Variants in SLC12A9 observed in about 807,000 individuals in gnomAD.
SLC12A9 encodes solute carrier family 12 member 9.
Under a neutral mutation model 66.0 loss-of-function variants are expected in SLC12A9, and 55 were observed. That is an observed-to-expected ratio of 0.83 (90% confidence interval 0.67 to 1.04). The LOEUF is 1.04. Ranked by LOEUF, SLC12A9 falls within the 50% of genes least tolerant of loss-of-function variation. The pLI is 0.00. For missense variants in SLC12A9, 1,061 were observed against 1,241.9 expected, an observed-to-expected ratio of 0.85 and a Z score of 2.19; for synonymous variants, 577 against 569.0, an observed-to-expected ratio of 1.01 and a Z score of -0.20.
chr7:100,865,313 TTCAGG>T, intron 13 of SLC12A9: 1 of 1,535,922 alleles, frequency 6.5e-7, no homozygotes, highest in Non-Finnish European at 8.7e-7. Flanking sequence ...ACCCTGGGGA[TTCAGG>T]TCATGAGCTT....
chr7:100,849,987 G>A (rs1388255780), upstream of SLC12A9, among the ~76,000 whole-genome samples: 3 of 151,432 alleles, frequency 2.0e-5, no homozygotes, highest in African/African-American at 4.9e-5. Flanking sequence ...ATTCTCCCAC[G>A]TCAGCCTCCC....
At chr7:100,864,673 G>T (rs916453851) in intron 13 of SLC12A9, among the ~76,000 whole-genome samples, 1 of 152,190 alleles carries the variant, frequency 6.6e-6, no homozygotes, top group Non-Finnish European at 1.5e-5. Flanking sequence ...GATGGAGGCG[G>T]ATTGCGTTGA....
exon 1 of SLC12A9, chr7:100,826,983 C>G (rs755785202): frequency 6.4e-7 from 1 of 1,565,066 alleles, no homozygotes; most frequent in African/African-American, 1.4e-5. Flanking sequence ...ACTCACCTTC[C>G]AAAGCTGCGG....
intron 13 of SLC12A9, 61 bp from the exon 14 acceptor site, chr7:100,865,658 T>C: frequency 6.4e-7 from 1 of 1,562,360 alleles, no homozygotes; most frequent in Non-Finnish European, 8.7e-7. Context: ...GGGAGCGTGG[T>C]GTAAACTTAG....
At chr7:100,852,409 T>G (rs1450402594), upstream of SLC12A9, 2 of 152,352 alleles carry the variant, frequency 1.3e-5, no homozygotes, top group African/African-American at 2.4e-5. Flanking sequence ...CCCACCTCCC[T>G]GCCGCTTTCC....
At chr7:100,833,436 T>G (rs1209289683) in intron 1 of SLC12A9, among the ~76,000 whole-genome samples, 2 of 151,768 alleles carry the variant, frequency 1.3e-5, no homozygotes, top group Non-Finnish European at 2.9e-5. Context: ...ACCACTGCAC[T>G]CCAGGCTGGG....
intron 1 of SLC12A9, among the ~76,000 whole-genome samples, chr7:100,838,591 C>T (rs1813715769): frequency 6.6e-6 from 1 of 152,086 alleles, no homozygotes; most frequent in Admixed American, 6.6e-5. Flanking sequence ...GATCTTGGCT[C>T]ACTGCGACCT....
chr7:100,857,080 T>G lies in SLC12A9; in HGVS notation c.661T>G (p.Leu221Val). 1 of 1,614,190 alleles carries G rather than the reference T, an allele frequency of 6.2e-7. No individual in the cohort carries two copies. The highest frequency in any genetic ancestry group is 8.5e-7 in the Non-Finnish European group (1 of 1,180,038). The change falls in exon 5 of 14, where the codon TTG (leucine) becomes GTG (valine). Residue 221 changes from leucine to valine, a missense_variant. Leu to Val is a conservative substitution (Grantham distance 32). Coordinates refer to ENST00000354161, the MANE Select transcript of SLC12A9 (RefSeq NM_020246.4). ...FVAVGPRDIR[L>V]TPRPGPNGSS... ...GGCTGTGGGGCCGAGGGACATCCGCTTGACTCCTAGGCCTGGCCCCAATGG... is the reference window on the plus strand; with the variant it reads ...GGCTGTGGGGCCGAGGGACATCCGCGTGACTCCTAGGCCTGGCCCCAATGG...
chr7:100,840,629 G>A (rs908950458), intron 1 of SLC12A9, among the ~76,000 whole-genome samples: 3 of 151,938 alleles, frequency 2.0e-5, no homozygotes, highest in African/African-American at 7.3e-5. Flanking sequence ...GACAGACAGA[G>A]AGGGAGTCAA....
chr7:100,827,759 C>A (rs1270596117), intron 1 of SLC12A9, among the ~76,000 whole-genome samples: 1 of 152,216 alleles, frequency 6.6e-6, no homozygotes, highest in East Asian at 1.9e-4. Flanking sequence ...CAGATGTGCG[C>A]CGTGGCGGTG....
intron 1 of SLC12A9, among the ~76,000 whole-genome samples, chr7:100,840,502 CCCCG>C (rs983128539): frequency 6.6e-6 from 1 of 151,982 alleles, no homozygotes; most frequent in African/African-American, 2.4e-5. Flanking sequence ...GTTTTAGACC[CCCCG>C]CCCCCAACAC....
At chr7:100,838,332 G>GATTTCACTAA (rs1813710804) in intron 1 of SLC12A9, among the ~76,000 whole-genome samples, 1 of 152,168 alleles carries the variant, frequency 6.6e-6, no homozygotes, top group Non-Finnish European at 1.5e-5. Flanking sequence ...GATTTCACTA[G>GATTTCACTAA]GAAGATAATA....
chr7:100,856,834 C>T (rs373492092), intron 4 of SLC12A9, 34 bp from the exon 5 acceptor site: 127 of 1,532,306 alleles, frequency 8.3e-5, no homozygotes, highest in South Asian at 7.0e-4. Context: ...GCCTTAGGAT[C>T]GGGCCTTCTA....
At chr7:100,849,670 G>C (rs781712328), upstream of SLC12A9, among the ~76,000 whole-genome samples, 5 of 149,742 alleles carry the variant, frequency 3.3e-5, no homozygotes, top group East Asian at 2.1e-4. Flanking sequence ...AGCTGAGATC[G>C]CGCCACTGCC....
intron 13 of SLC12A9, 68 bp from the exon 14 acceptor site, chr7:100,865,651 A>T (rs568202666): frequency 6.4e-7 from 1 of 1,559,384 alleles, no homozygotes; most frequent in African/African-American, 1.4e-5. Flanking sequence ...AGTGTGTGGG[A>T]GCGTGGTGTA....
At position 100,866,691 on chromosome 7, in the gene SLC12A9, T is replaced by C; in HGVS notation, c.*86T>C. The C allele has an allele frequency of 7.4e-7, 1 of 1,345,564 alleles. No individual in the cohort carries two copies. Among genetic ancestry groups the C allele is most frequent in the Non-Finnish European group, 9.8e-7 (1 of 1,023,332 alleles). The allele number at this position is 1,345,564 out of a possible 1,614,324, so 83.4% of individuals were successfully genotyped here. A position where few individuals can be genotyped will look rare whatever the true frequency, so the allele number is the denominator to read the frequency against. ...GAGGAGGAGGAAGAGGAGGCCACTG[T>C]GGCCCGTGGCCCTGCCCTTGGGACG... On this transcript the variant is annotated 3_prime_UTR_variant, in exon 14 of 14. Transcript: ENST00000354161. The surrounding 1 kb of genome is among the most constrained non-coding windows in gnomAD (Gnocchi z 7.3).
Position 100,861,376 on chromosome 7 carries a change from C to T in SLC12A9, c.1344-16C>T. ...CTGCCCTGAGTTTCTGTCCCTCCTC[C>T]CCTCCATGCCCGCAGCCCCACCTTC... On this transcript the variant is annotated splice_polypyrimidine_tract_variant and intron_variant, in intron 10 of 13. Coordinates refer to ENST00000354161, the MANE Select transcript of SLC12A9 (RefSeq NM_020246.4). The surrounding 1 kb of genome is among the most constrained non-coding windows in gnomAD (Gnocchi z 5.3). 1 of 1,612,532 alleles carries T rather than the reference C, an allele frequency of 6.2e-7. No individual in the cohort carries two copies. Among genetic ancestry groups the T allele is most frequent in the East Asian group, 2.2e-5 (1 of 44,860 alleles).
At chr7:100,828,852 A>T (rs1298458958) in intron 1 of SLC12A9, among the ~76,000 whole-genome samples, 1 of 152,104 alleles carries the variant, frequency 6.6e-6, no homozygotes, top group African/African-American at 2.4e-5. Flanking sequence ...TCCTCCCACC[A>T]ACCCCCTTCT....
chr7:100,862,188 C>T (rs1447682108), intron 12 of SLC12A9, among the ~76,000 whole-genome samples: 2 of 152,062 alleles, frequency 1.3e-5, no homozygotes, highest in East Asian at 1.9e-4. Flanking sequence ...AACTCCTGAC[C>T]TCAAGTGCTC....
Sources: gnomAD v4.1 joint callset for allele counts (sites outside exome capture counted in the v4.1 genomes callset) on GRCh38, gnomAD v4.1.1 for gene constraint, Gnocchi (gnomAD v3.1) non-coding constraint, MANE v1.5 for transcripts, NCBI Gene and HGNC (gene_info 2026-07-23, HGNC 2026-07-21) for gene names.